PITPNA: variants seen among roughly 807,000 people sequenced by gnomAD.
PITPNA encodes the protein phosphatidylinositol transfer protein alpha.
Under a neutral mutation model 50.3 loss-of-function variants are expected in PITPNA, and 13 were observed. That is an observed-to-expected ratio of 0.26 (90% CI 0.17 to 0.41). The LOEUF (loss-of-function observed/expected upper bound fraction) is 0.41, where lower values mean the gene tolerates loss of function less well. Ranked by LOEUF, PITPNA falls within the 10% of genes least tolerant of loss-of-function variation. PITPNA has a pLI of 1.00. For missense variants in PITPNA, 207 were observed against 333.4 expected (o/e 0.62, Z 2.95); for synonymous variants, 120 against 119.6 (o/e 1.00, Z -0.02).
At chr17:1,541,975 G>A (rs927017413) in intron 5 of PITPNA, among the ~76,000 whole-genome samples, 2 of 152,054 alleles carry the variant, frequency 1.3e-5, no homozygotes, top group African/African-American at 2.4e-5. Context: ...CGAGGCGGGC[G>A]GATCACTTGA....
At chr17:1,530,188 A>G (rs2075573011) in intron 10 of PITPNA, among the ~76,000 whole-genome samples, 1 of 152,186 alleles carries the variant, frequency 6.6e-6, no homozygotes, top group Admixed American at 6.6e-5. Context: ...TGAGTTCCCC[A>G]TTACAGGCAG....
At position 1,562,432 on chromosome 17, in the gene PITPNA, C is replaced by G; in HGVS notation, c.20+109G>C. On this transcript the variant is annotated intron_variant, in intron 1 of 11. Coordinates refer to ENST00000313486, the MANE Select transcript of PITPNA (RefSeq NM_006224.4). The surrounding 1 kb of genome is among the most constrained non-coding windows in gnomAD (Gnocchi z 6.4). ...GGCCCGCCTCAGGCACCCTCCGTCC[C>G]TGCTGCCCCTCCGTCCATCCGGGCC... 1.1e-6 allele frequency: 1 copy of G among 929,562 alleles called. No individual in the cohort carries two copies. Among genetic ancestry groups the G allele is most frequent in the Non-Finnish European group, 1.5e-6 (1 of 667,300 alleles). The allele number at this position is 929,562 out of a possible 1,614,324, so 57.6% of individuals were successfully genotyped here.
At chr17:1,541,474 G>T in intron 6 of PITPNA, 92 bp downstream of exon 6, 3 of 884,646 alleles carry the variant, frequency 3.4e-6, no homozygotes, top group South Asian at 1.3e-5. Context: ...GGCAAAAGAG[G>T]ACCACAGAGA....
intron 6 of PITPNA, among the ~76,000 whole-genome samples, chr17:1,541,099 G>T (rs1257120407): frequency 1.3e-5 from 2 of 152,054 alleles, no homozygotes; most frequent in Non-Finnish European, 2.9e-5. Flanking sequence ...ACAGAGTCTT[G>T]TTATGTTGCC....
intron 9 of PITPNA, 101 bp from the exon 10 acceptor site, chr17:1,534,322 G>A: frequency 6.9e-7 from 1 of 1,441,934 alleles, no homozygotes; most frequent in Non-Finnish European, 9.6e-7. Flanking sequence ...CTAGACTGGG[G>A]ACGGGCGGAC....
In PITPNA at chr17:1,518,061, C is replaced by G. The variant is rs1385147067; in HGVS notation, c.*2500G>C. ...ATTGGAAGATTGAGACAAAAAGGCA[C>G]AAACTCACATTAAATAAACAAGGTA... On this transcript the variant is annotated 3_prime_UTR_variant, in exon 12 of 12. Coordinates refer to ENST00000313486, the MANE Select transcript of PITPNA (RefSeq NM_006224.4). 2 of 152,586 alleles carry G rather than the reference C, an allele frequency of 1.3e-5. No homozygotes were observed. The highest frequency in any genetic ancestry group is 4.8e-5 in the African/African-American group (2 of 41,418). The allele number at this position is 152,586 out of a possible 1,614,324, so 9.5% of individuals were successfully genotyped here.
At chr17:1,529,155 A>AAGAGAGAG (rs1555530753) in intron 10 of PITPNA, among the ~76,000 whole-genome samples, 11,518 of 105,990 alleles carry the variant, frequency 0.11, 1,089 homozygotes, top group East Asian at 0.15. Flanking sequence ...AAAAAAAAAA[A>AAGAGAGAG]AGAGAGAGAG....
chr17:1,522,133 G>C (rs937285357), intron 10 of PITPNA, among the ~76,000 whole-genome samples: 2 of 148,776 alleles, frequency 1.3e-5, no homozygotes, highest in South Asian at 4.2e-4. Context: ...CTGCAGTGGC[G>C]CAATCTCGGC....
chr17:1,546,323 G>A (rs1461499012), intron 4 of PITPNA, among the ~76,000 whole-genome samples: 3 of 152,066 alleles, frequency 2.0e-5, no homozygotes, highest in Non-Finnish European at 1.5e-5. Flanking sequence ...TTCAGCTACA[G>A]CAAGAAAACT....
At chr17:1,532,470 C>A (rs747678528) in intron 10 of PITPNA, among the ~76,000 whole-genome samples, 1 of 151,894 alleles carries the variant, frequency 6.6e-6, no homozygotes, top group Non-Finnish European at 1.5e-5. Context: ...CTGAACAAAG[C>A]AGATCCAGTA....
intron 4 of PITPNA, among the ~76,000 whole-genome samples, chr17:1,547,659 A>G (rs1044116443): frequency 1.3e-5 from 2 of 152,074 alleles, no homozygotes; most frequent in African/African-American, 4.8e-5. Flanking sequence ...CAAAAAAAAA[A>G]TAATAATAAA....
chr17:1,536,755 G>A (rs994091868), intron 7 of PITPNA, among the ~76,000 whole-genome samples: 1 of 149,134 alleles, frequency 6.7e-6, no homozygotes, highest in African/African-American at 2.5e-5. Context: ...GACCACGCCA[G>A]GGTAATTTTT....
At position 1,522,158 on chromosome 17, in the gene PITPNA, G is replaced by A. The variant is rs192234934; in HGVS notation, c.769-513C>T. 2.3e-3 allele frequency among the ~76,000 whole-genome samples: 350 copies of A among 150,006 alleles called. 2 individuals are homozygous for A. Among genetic ancestry groups the A allele is most frequent in the African/African-American group, 8.3e-3 (334 of 40,212 alleles). On this transcript the variant is annotated intron_variant, in intron 10 of 11. Coordinates refer to ENST00000313486, the MANE Select transcript of PITPNA (RefSeq NM_006224.4). ...GCAATCTCGGCTCACTGCAAGCTCC[G>A]CTTCCCGGGTTCACGCCATTCTCCT...
chr17:1,558,682 A>T (rs2075751915), intron 1 of PITPNA, 123 bp from the exon 2 acceptor site: 9 of 718,624 alleles, frequency 1.3e-5, no homozygotes, highest in Middle Eastern at 4.7e-4. Context: ...TCAGTGACGA[A>T]AACCCCACAG....
intron 10 of PITPNA, among the ~76,000 whole-genome samples, chr17:1,528,010 T>C (rs1363678622): frequency 6.6e-6 from 1 of 152,232 alleles, no homozygotes; most frequent in Non-Finnish European, 1.5e-5. Context: ...AGCAAGATCC[T>C]GTCTCTACAA....
chr17:1,542,037 T>C (rs1312303672), intron 5 of PITPNA, among the ~76,000 whole-genome samples: 1 of 151,858 alleles, frequency 6.6e-6, no homozygotes, highest in African/African-American at 2.4e-5. Context: ...CCGTCTCTAC[T>C]AAAAATACAA....
chr17:1,542,172 T>C (rs947251467), intron 5 of PITPNA, among the ~76,000 whole-genome samples: 1 of 149,494 alleles, frequency 6.7e-6, no homozygotes, highest in African/African-American at 2.5e-5. Context: ...TGCACTCCAG[T>C]CTAGGAAACA....
chr17:1,538,268 C>A (rs1044513329), intron 7 of PITPNA, among the ~76,000 whole-genome samples: 1 of 152,212 alleles, frequency 6.6e-6, no homozygotes, highest in African/African-American at 2.4e-5. Flanking sequence ...AGGAATCTAA[C>A]CCCCTCATTC....
intron 4 of PITPNA, 82 bp downstream of exon 4, chr17:1,548,214 G>T: frequency 2.3e-6 from 2 of 878,852 alleles, no homozygotes; most frequent in Non-Finnish European, 3.6e-6. Context: ...GCCTTTCCCT[G>T]GCCTAATCCG....
Sources: gnomAD v4.1 joint callset for allele counts (sites outside exome capture counted in the v4.1 genomes callset) on GRCh38, gnomAD v4.1.1 for gene constraint, Gnocchi (gnomAD v3.1) non-coding constraint, MANE v1.5 for transcripts, NCBI Gene and HGNC (gene_info 2026-07-23, HGNC 2026-07-21) for gene names.